Variants in NCEH1 observed in about 807,000 individuals in gnomAD.
NCEH1 encodes 2-acetyl MAGE hydrolase.
Under a neutral mutation model 25.4 loss-of-function variants are expected in NCEH1, and 9 were observed. The observed-to-expected ratio is 0.35, with a 90% CI of 0.21 to 0.62. The LOEUF is 0.62. NCEH1 is among the 20% of genes least tolerant of loss of function. The pLI is 0.72. For synonymous variants in NCEH1, 200 were observed against 199.8 expected (o/e 1.00, Z -0.01); for missense variants, 412 against 501.1 (o/e 0.82, Z 1.70).
chr3:172,635,604 A>G (rs1452750733), intron 4 of NCEH1, among the ~76,000 whole-genome samples: 1 of 152,194 alleles, frequency 6.6e-6, no homozygotes, highest in African/African-American at 2.4e-5. Flanking sequence ...CAAGTCAAAC[A>G]TGAAAAAGGA....
intron 1 of NCEH1, among the ~76,000 whole-genome samples, chr3:172,670,349 A>G (rs2108511931): frequency 6.6e-6 from 1 of 152,362 alleles, no homozygotes; most frequent in Non-Finnish European, 1.5e-5. Context: ...AAACAATGAA[A>G]GAAAAAAGTT....
At chr3:172,663,044 T>C (rs996411663) in intron 1 of NCEH1, among the ~76,000 whole-genome samples, 8 of 152,244 alleles carry the variant, frequency 5.3e-5, no homozygotes, top group Admixed American at 5.2e-4. Flanking sequence ...GTTCTTTTAA[T>C]TGTGATGTTA....
At position 172,631,498 on chromosome 3, in the gene NCEH1, CA is replaced by C. The variant is rs936901914; in HGVS notation, c.*1976del. ...AGGCCAATATAATTTGCCAGTCTGA[CA>C]AGACAGTTGGTATTATAAGTGGAAG... On this transcript the variant is annotated 3_prime_UTR_variant, in exon 5 of 5. Transcript: ENST00000475381. The C allele has an allele frequency of 6.6e-5, 10 of 152,514 alleles. No homozygotes were observed. The highest frequency in any genetic ancestry group is 2.2e-4 in the African/African-American group (9 of 41,478). 9.4% of individuals were successfully genotyped at this position (152,514 alleles called of 1,614,324 possible).
At chr3:172,679,237 A>C (rs1454101009) in intron 1 of NCEH1, among the ~76,000 whole-genome samples, 2 of 152,218 alleles carry the variant, frequency 1.3e-5, no homozygotes, top group Non-Finnish European at 2.9e-5. Flanking sequence ...GGACCACTAT[A>C]AGCATGCCAG....
Position 172,673,064 on chromosome 3 carries a change from C to T in NCEH1, c.139-24950G>A, listed in dbSNP as rs371303349. On this transcript the variant is annotated intron_variant, in intron 1 of 4. Transcript: ENST00000475381. Reference sequence around the variant, plus strand: ...ACATTGAAGAAAAGGAAGCAGACCTCCTTCTAAACACTAGACCCAGTCTCT... The same window carrying T: ...ACATTGAAGAAAAGGAAGCAGACCTTCTTCTAAACACTAGACCCAGTCTCT... Among the ~76,000 whole-genome samples, 30 of 152,302 alleles carry T rather than the reference C, an allele frequency of 2.0e-4. 1 individual carries two copies. The East Asian group carries it at 2.3e-3, about 12-fold the overall frequency.
intron 1 of NCEH1, among the ~76,000 whole-genome samples, chr3:172,660,746 C>A (rs6768912): frequency 0.19 from 29,263 of 152,104 alleles, 3,724 homozygotes; most frequent in African/African-American, 0.36. Flanking sequence ...GCATTTTTTC[C>A]TGTGTCTGTT....
chr3:172,653,744 G>GTTGTTGCTTTTTTTTTTTTTTTTTTT (rs1717534237), intron 1 of NCEH1, among the ~76,000 whole-genome samples: 2 of 95,676 alleles, frequency 2.1e-5, no homozygotes, highest in African/African-American at 8.4e-5. Context: ...TGTTTTTTTT[G>GTTGTTGCTTTTTTTTTTTTTTTTTTT]TTTTTTTGTT....
rs140554977 is a variant in NCEH1 at position 172,648,098 on chromosome 3, T to C, written c.155A>G (p.Tyr52Cys). 148 of 1,613,918 alleles carry C rather than the reference T, an allele frequency of 9.2e-5. No homozygotes were observed. Among genetic ancestry groups the C allele is most frequent in the Non-Finnish European group, 1.2e-4 (140 of 1,180,002 alleles). Residue 52 changes from tyrosine (Y) to cysteine (C), a missense_variant, in exon 2 of 5, where the codon TAC becomes TGC. Transcript: ENST00000475381. ...GAQQVSNLIH[Y>C]LGLSHHLLAL... is the part of the protein sequence containing the mutation. ...CAGCAGGTGATGGCTCAGTCCCAGG[T>C]AGTGGATCAGGTTACTCTGCAGGGC...
intron 1 of NCEH1, among the ~76,000 whole-genome samples, chr3:172,690,097 G>A (rs922071351): frequency 1.3e-5 from 2 of 151,946 alleles, no homozygotes; most frequent in Admixed American, 1.3e-4. Flanking sequence ...TAGAGACGGG[G>A]TTTCACCATG....
Position 172,631,292 on chromosome 3 carries a change from A to C in NCEH1, c.*2183T>G, listed in dbSNP as rs1349753216. Reference sequence around the variant, plus strand: ...CTTCGAGACAGACAACCTCAAAATAAGGTCCAAATATTGGTTCCTTCAAAT... The same window carrying C: ...CTTCGAGACAGACAACCTCAAAATACGGTCCAAATATTGGTTCCTTCAAAT... On this transcript the variant is annotated 3_prime_UTR_variant, in exon 5 of 5. Transcript: ENST00000475381. The C allele has an allele frequency of 3.9e-5, 6 of 152,256 alleles. No individual in the cohort carries two copies. Among genetic ancestry groups the C allele is most frequent in the African/African-American group, 1.4e-4 (6 of 41,470 alleles). 9.4% of individuals were successfully genotyped at this position (152,256 alleles called of 1,614,324 possible).
intron 1 of NCEH1, among the ~76,000 whole-genome samples, chr3:172,697,947 G>T (rs1713460820): frequency 6.6e-6 from 1 of 150,406 alleles, no homozygotes; most frequent in Non-Finnish European, 1.5e-5. Flanking sequence ...ATTGTTAAAA[G>T]CTGATCACTT....
intron 1 of NCEH1, among the ~76,000 whole-genome samples, chr3:172,652,193 C>T (rs1717432878): frequency 6.6e-6 from 1 of 152,174 alleles, no homozygotes. Context: ...GCCCCAGGCT[C>T]CAGCTGGTGA....
intron 1 of NCEH1, among the ~76,000 whole-genome samples, chr3:172,671,502 C>CACAT (rs1711615320): frequency 1.6e-5 from 2 of 124,888 alleles, no homozygotes; most frequent in Non-Finnish European, 3.2e-5. Flanking sequence ...CACACACATA[C>CACAT]ACATACACAC....
intron 1 of NCEH1, among the ~76,000 whole-genome samples, chr3:172,702,128 G>A (rs1044031475): frequency 5.9e-5 from 9 of 152,172 alleles, no homozygotes; most frequent in African/African-American, 2.2e-4. Context: ...GGCTGGAATC[G>A]AATTCAGGCT....
chr3:172,674,374 C>T (rs931181172), intron 1 of NCEH1, among the ~76,000 whole-genome samples: 3 of 138,528 alleles, frequency 2.2e-5, no homozygotes, highest in Non-Finnish European at 3.0e-5. Flanking sequence ...ACCCGGGAGG[C>T]GGAGGTTGCA....
At chr3:172,664,836 T>A (rs1002596738) in intron 1 of NCEH1, among the ~76,000 whole-genome samples, 3 of 152,162 alleles carry the variant, frequency 2.0e-5, no homozygotes, top group African/African-American at 7.2e-5. Flanking sequence ...CTCTATGCTG[T>A]TTATTCTAGT....
chr3:172,669,405 C>A (rs1446847087), intron 1 of NCEH1, among the ~76,000 whole-genome samples: 1 of 152,146 alleles, frequency 6.6e-6, no homozygotes, highest in Non-Finnish European at 1.5e-5. Flanking sequence ...GGAAGTAGAA[C>A]TATTTTAGCT....
rs1305254169 is a variant in NCEH1 at position 172,683,126 on chromosome 3, G to A, written c.138+27721C>T. ...TGCTTTAAGAAGCGGAGGCAGGGCC[G>A]GGCGCGGTGGCTCACGCCTGTAATC... is the stretch of plus-strand genomic sequence containing the variant. On this transcript the variant is annotated intron_variant, in intron 1 of 4. Transcript: ENST00000475381. Among the ~76,000 whole-genome samples, 13 of 64,358 alleles carry A rather than the reference G, an allele frequency of 2.0e-4. 3 individuals carry two copies. In the East Asian group the frequency reaches 2.0e-3, roughly 10 times the overall value. 42.2% of individuals were successfully genotyped at this position (64,358 alleles called of 152,430 possible).
At chr3:172,710,131 G>C (rs1714216825) in intron 1 of NCEH1, among the ~76,000 whole-genome samples, 1 of 152,212 alleles carries the variant, frequency 6.6e-6, no homozygotes, top group African/African-American at 2.4e-5. Flanking sequence ...CTCAGGAAAA[G>C]GTTATCTGAC....
Sources: allele counts gnomAD v4.1 joint callset (sites outside exome capture counted in the v4.1 genomes callset), GRCh38; gene constraint gnomAD v4.1.1; transcripts MANE v1.5; gene names NCBI Gene and HGNC (gene_info 2026-07-23, HGNC 2026-07-21).